The following GDA variants were observed in gnomAD, a reference collection of about 807,000 sequenced individuals.
The protein encoded by GDA is guanine deaminase, also known as cytoplasmic PSD-95 interactor.
Under a neutral mutation model 59.6 loss-of-function variants are expected in GDA, and 18 were observed. That is an observed-to-expected ratio of 0.30 (90% confidence interval 0.21 to 0.45). The LOEUF is 0.45. Among genes scored for constraint, GDA ranks in the 20% least tolerant of loss-of-function variants. The pLI, the probability that GDA is intolerant of heterozygous loss-of-function variation, is 1.00. For synonymous variants in GDA, 201 were observed against 201.1 expected (o/e 1.00, Z 0.00); for missense variants, 427 against 552.3 (o/e 0.77, Z 2.27).
rs767787772 is a variant in GDA at position 72,149,689 on chromosome 9, A to T, written c.123+7A>T. The T allele has an allele frequency of 1.9e-6, 3 of 1,596,650 alleles. No homozygotes were observed. The South Asian group carries it at 3.3e-5, about 18-fold the overall frequency. ...CGTGAGCGACAGCGGCAAAGTAAGC[A>T]GGCGCGGGGTCGAGCGCACTCCGAC... is the stretch of plus-strand genomic sequence containing the variant. On this transcript the variant is annotated splice_region_variant and intron_variant, in intron 1 of 13. Transcript: ENST00000358399.
downstream of GDA, among the ~76,000 whole-genome samples, chr9:72,254,363 G>A (rs116664906): frequency 6.6e-6 from 1 of 151,958 alleles, no homozygotes; most frequent in African/African-American, 2.4e-5. Flanking sequence ...CATTTTCTCT[G>A]TAGCAAAAAC....
chr9:72,137,845 TTAAA>T (rs1323072494), intron 1 of GDA, among the ~76,000 whole-genome samples: 1 of 151,922 alleles, frequency 6.6e-6, no homozygotes, highest in Non-Finnish European at 1.5e-5. Flanking sequence ...AGTGTAAGAA[TTAAA>T]TAAAGAGGAG....
chr9:72,127,764 C>T (rs569498270), intron 1 of GDA, among the ~76,000 whole-genome samples: 95 of 152,018 alleles, frequency 6.2e-4, no homozygotes, highest in African/African-American at 2.1e-3. Context: ...TCTGTCTTGT[C>T]GTGAGGATCA....
chr9:72,247,312 G>A (rs577972168), intron 12 of GDA, 94 bp from the exon 13 acceptor site: 21 of 810,392 alleles, frequency 2.6e-5, no homozygotes, highest in South Asian at 5.4e-5. Context: ...AAACAAATTC[G>A]TATTTCTGGG....
chr9:72,223,892 C>T (rs941056361), intron 7 of GDA, among the ~76,000 whole-genome samples: 1 of 152,180 alleles, frequency 6.6e-6, no homozygotes, highest in African/African-American at 2.4e-5. Context: ...TAAGAAAGGT[C>T]AGATCAGGGC....
upstream of GDA, among the ~76,000 whole-genome samples, chr9:72,147,328 C>T (rs534064662): frequency 6.6e-6 from 1 of 152,310 alleles, no homozygotes; most frequent in South Asian, 2.1e-4. Context: ...CTGCCTCACC[C>T]TCCTGAGTAG....
In GDA at chr9:72,248,346, C is replaced by G; in HGVS notation, c.*4C>G. 1 of 1,613,250 alleles carries G rather than the reference C, an allele frequency of 6.2e-7. No homozygotes were observed. The highest frequency in any genetic ancestry group is 1.1e-5 in the South Asian group (1 of 91,050). On this transcript the variant is annotated 3_prime_UTR_variant, in exon 14 of 14. Transcript: ENST00000358399. Reference sequence around the variant, plus strand: ...TCCGTTTTCCAGCTCAGTGTAAGACCCTCGGGCGTCTACAAAGTTCTCCTG... The same window carrying G: ...TCCGTTTTCCAGCTCAGTGTAAGACGCTCGGGCGTCTACAAAGTTCTCCTG...
At chr9:72,161,599 C>T (rs1828636639) in intron 1 of GDA, among the ~76,000 whole-genome samples, 1 of 152,226 alleles carries the variant, frequency 6.6e-6, no homozygotes, top group South Asian at 2.1e-4. Flanking sequence ...ATGTTAAGGA[C>T]TTGCAATAAT....
At chr9:72,146,807 C>T (rs563075732), upstream of GDA, among the ~76,000 whole-genome samples, 6 of 152,296 alleles carry the variant, frequency 3.9e-5, no homozygotes, top group African/African-American at 1.2e-4. Flanking sequence ...GCCAAGACTT[C>T]TGGCATGTGG....
Position 72,249,255 on chromosome 9 carries a change from C to T in GDA, c.*913C>T. On this transcript the variant is annotated 3_prime_UTR_variant, in exon 14 of 14. Coordinates refer to ENST00000358399, the MANE Select transcript of GDA (RefSeq NM_004293.5). Reference sequence around the variant, plus strand: ...GGCAAATGCTGGCATCCAGGAGCCGCCAATACTAACAGGACAGGTTCCATT... The same window carrying T: ...GGCAAATGCTGGCATCCAGGAGCCGTCAATACTAACAGGACAGGTTCCATT... 1.0e-6 allele frequency: 1 copy of T among 985,298 alleles called. No homozygotes were observed. The highest frequency in any genetic ancestry group is 1.2e-6 in the Non-Finnish European group (1 of 829,862). The allele number at this position is 985,298 out of a possible 1,614,324, so 61.0% of individuals were successfully genotyped here. A position where few individuals can be genotyped will look rare whatever the true frequency, so the allele number is the denominator to read the frequency against.
At chr9:72,137,018 A>C (rs1826251078) in intron 1 of GDA, among the ~76,000 whole-genome samples, 1 of 152,026 alleles carries the variant, frequency 6.6e-6, no homozygotes, top group African/African-American at 2.4e-5. Flanking sequence ...CAACAAAAAC[A>C]TACATATGAA....
In GDA at chr9:72,248,932, T is replaced by C; in HGVS notation, c.*590T>C. The C allele has an allele frequency of 5.1e-6, 5 of 985,928 alleles. No homozygotes were observed. The highest frequency in any genetic ancestry group is 6.0e-6 in the Non-Finnish European group (5 of 829,910). The allele number at this position is 985,928 out of a possible 1,614,324, so 61.1% of individuals were successfully genotyped here. A position where few individuals can be genotyped will look rare whatever the true frequency, so the allele number is the denominator to read the frequency against. On this transcript the variant is annotated 3_prime_UTR_variant, in exon 14 of 14. Coordinates refer to ENST00000358399, the MANE Select transcript of GDA (RefSeq NM_004293.5). ...AAATTTGCACTTAATGGAATTTGCATTTCAGAGATGTGTTAGTGTTGTGCT... is the reference window on the plus strand; with the variant it reads ...AAATTTGCACTTAATGGAATTTGCACTTCAGAGATGTGTTAGTGTTGTGCT...
upstream of GDA, among the ~76,000 whole-genome samples, chr9:72,148,300 G>GGTGT (rs1564159338): frequency 2.5e-5 from 3 of 119,692 alleles, no homozygotes; most frequent in African/African-American, 9.7e-5. Context: ...TTCTGTTATT[G>GGTGT]GTGTGTGTAT....
At chr9:72,133,833 T>C (rs957951550) in intron 1 of GDA, among the ~76,000 whole-genome samples, 3 of 152,218 alleles carry the variant, frequency 2.0e-5, no homozygotes, top group African/African-American at 4.8e-5. Context: ...AGGTTCAAGA[T>C]GTGAGCTGGG....
intron 2 of GDA, among the ~76,000 whole-genome samples, chr9:72,198,976 G>A (rs1281042112): frequency 6.6e-6 from 1 of 151,874 alleles, no homozygotes; most frequent in Non-Finnish European, 1.5e-5. Context: ...AAAGTGAGAA[G>A]AGGAAAGCTG....
intron 1 of GDA, among the ~76,000 whole-genome samples, chr9:72,150,359 C>T (rs1489194365): frequency 2.6e-5 from 4 of 151,802 alleles, no homozygotes; most frequent in Admixed American, 2.0e-4. Flanking sequence ...ACACACACAC[C>T]ATAGCCATTT....
intron 1 of GDA, among the ~76,000 whole-genome samples, chr9:72,136,109 A>G (rs1211960658): frequency 3.9e-5 from 6 of 152,192 alleles, no homozygotes; most frequent in Admixed American, 3.9e-4. Flanking sequence ...TAGCTATACC[A>G]AATCTATAAA....
At chr9:72,213,718 G>A (rs1835703958) in intron 4 of GDA, among the ~76,000 whole-genome samples, 168 bp from the exon 5 acceptor site, 2 of 151,444 alleles carry the variant, frequency 1.3e-5, no homozygotes, top group Non-Finnish European at 2.9e-5. Context: ...CAGGAGAATG[G>A]CATGAACCTG....
chr9:72,214,701 A>G (rs1835873343), intron 5 of GDA: 10 of 332,938 alleles, frequency 3.0e-5, no homozygotes, highest in South Asian at 1.9e-4. Context: ...ACCAGGGTCT[A>G]TGACTCTAAA....
Sources: gnomAD v4.1 joint callset for allele counts (sites outside exome capture counted in the v4.1 genomes callset) on GRCh38, gnomAD v4.1.1 for gene constraint, MANE v1.5 for transcripts, NCBI Gene and HGNC (gene_info 2026-07-23, HGNC 2026-07-21) for gene names.